FBXO42: variants seen among roughly 807,000 people sequenced by gnomAD.
FBXO42 encodes F-box protein 42.
In FBXO42, 12 loss-of-function variants were observed where a neutral mutation model predicts 71.7. That is an observed-to-expected ratio of 0.17 (90% CI 0.11 to 0.27). The LOEUF (loss-of-function observed/expected upper bound fraction) is 0.27, where lower values mean the gene tolerates loss of function less well. FBXO42 is among the 10% of genes least tolerant of loss of function. FBXO42 has a pLI of 1.00. For missense variants in FBXO42, 707 were observed against 911.9 expected, an observed-to-expected ratio of 0.78 and a Z score of 2.89; for synonymous variants, 325 against 327.5, an observed-to-expected ratio of 0.99 and a Z score of 0.08.
At chr1:16,284,684 T>C (rs1197352055) in intron 4 of FBXO42, among the ~76,000 whole-genome samples, 1 of 151,700 alleles carries the variant, frequency 6.6e-6, no homozygotes, top group African/African-American at 2.4e-5. Flanking sequence ...ACAAAAAAAT[T>C]AGGCCAGGCG....
chr1:16,309,536 A>C (rs1267610891), intron 2 of FBXO42, among the ~76,000 whole-genome samples: 1 of 152,238 alleles, frequency 6.6e-6, no homozygotes, highest in Non-Finnish European at 1.5e-5. Flanking sequence ...AGATAACAGG[A>C]GAAAATCTAG....
In FBXO42 at chr1:16,313,322, A is replaced by AGAG. The variant is rs1451446688; in HGVS notation, c.250+1846_250+1847insCTC. Among the ~76,000 whole-genome samples the AGAG allele has an allele frequency of 1.6e-3, 183 of 112,116 alleles. 1 individual carries two copies. Among genetic ancestry groups the AGAG allele is most frequent in the African/African-American group, 5.7e-3 (177 of 31,220 alleles). The allele number at this position is 112,116 out of a possible 152,430, so 73.6% of individuals were successfully genotyped here. On this transcript the variant is annotated intron_variant, in intron 2 of 9. Coordinates refer to ENST00000375592, the MANE Select transcript of FBXO42 (RefSeq NM_018994.3). Reference sequence around the variant, plus strand: ...AGAGAAAGAAAGAAAGAGAAAAGAAAACAAAGAAAGAAAGAAAGAAAGAAA... The same window carrying AGAG: ...AGAGAAAGAAAGAAAGAGAAAAGAAAGAGACAAAGAAAGAAAGAAAGAAAGAAA...
chr1:16,249,737 A>C lies in FBXO42; in HGVS notation c.*933T>G, dbSNP rs773590421. ...ATTTCTGTAGGCACCTGAGCTTTGT[A>C]AAAGAAACAGAAAGTCAGACAGGTT... On this transcript the variant is annotated 3_prime_UTR_variant, in exon 10 of 10. Transcript: ENST00000375592. The C allele has an allele frequency of 6.6e-6, 1 of 152,156 alleles. No individual in the cohort carries two copies. Among genetic ancestry groups the C allele is most frequent in the African/African-American group, 2.4e-5 (1 of 41,450 alleles). The allele number at this position is 152,156 out of a possible 1,614,324, so 9.4% of individuals were successfully genotyped here. A position where few individuals can be genotyped will look rare whatever the true frequency, so the allele number is the denominator to read the frequency against.
At chr1:16,338,354 CAAA>C (rs55865669) in intron 1 of FBXO42, among the ~76,000 whole-genome samples, 1 of 108,162 alleles carries the variant, frequency 9.2e-6, no homozygotes, top group Non-Finnish European at 1.8e-5. Context: ...GCCCTATCTC[CAAA>C]AAAAAAAAAA....
At chr1:16,258,368 T>A (rs969852359) in intron 4 of FBXO42, among the ~76,000 whole-genome samples, 1 of 152,072 alleles carries the variant, frequency 6.6e-6, no homozygotes, top group Non-Finnish European at 1.5e-5. Context: ...TCTTCCTTTT[T>A]TTTTTTTTGA....
At chr1:16,291,820 T>A (rs768173275) in intron 4 of FBXO42, among the ~76,000 whole-genome samples, 8 of 152,084 alleles carry the variant, frequency 5.3e-5, no homozygotes, top group Non-Finnish European at 7.4e-5. Flanking sequence ...TACAGGCACA[T>A]GCCATCATGC....
At chr1:16,299,773 T>C (rs890360259) in intron 3 of FBXO42, among the ~76,000 whole-genome samples, 1 of 151,964 alleles carries the variant, frequency 6.6e-6, no homozygotes, top group East Asian at 1.9e-4. Flanking sequence ...GCCTCCCGAG[T>C]AGTTTGGACC....
chr1:16,330,548 C>A (rs1463577171), intron 1 of FBXO42, among the ~76,000 whole-genome samples: 1 of 152,046 alleles, frequency 6.6e-6, no homozygotes, highest in Non-Finnish European at 1.5e-5. Flanking sequence ...GTGGTTCATA[C>A]CTGTAATCCC....
intron 3 of FBXO42, among the ~76,000 whole-genome samples, chr1:16,304,487 G>A (rs990448131): frequency 2.0e-5 from 3 of 151,964 alleles, no homozygotes; most frequent in Non-Finnish European, 4.4e-5. Flanking sequence ...TAAATTTTGT[G>A]TTTGCTGAAC....
chr1:16,275,781 G>A (rs2081893764), intron 4 of FBXO42, among the ~76,000 whole-genome samples: 1 of 152,122 alleles, frequency 6.6e-6, no homozygotes, highest in Admixed American at 6.6e-5. Flanking sequence ...CGCTGAGGTG[G>A]GTGAATCACC....
At chr1:16,267,843 T>C (rs1186106693) in intron 4 of FBXO42, among the ~76,000 whole-genome samples, 1 of 152,168 alleles carries the variant, frequency 6.6e-6, no homozygotes, top group Non-Finnish European at 1.5e-5. Flanking sequence ...ACAGGAACTT[T>C]TGTAATGGGC....
At chr1:16,264,236 T>C (rs2100456475) in intron 4 of FBXO42, among the ~76,000 whole-genome samples, 1 of 152,350 alleles carries the variant, frequency 6.6e-6, no homozygotes, top group East Asian at 1.9e-4. Flanking sequence ...GTTTAATACA[T>C]TTTTATTAAA....
rs187164755 is a variant in FBXO42 at position 16,281,526 on chromosome 1, G to A, written c.502+13257C>T. 7.3e-5 allele frequency among the ~76,000 whole-genome samples: 11 copies of A among 150,120 alleles called. No homozygotes were observed. In the East Asian group the frequency reaches 2.0e-3, roughly 27 times the overall value. On this transcript the variant is annotated intron_variant, in intron 4 of 9. Transcript: ENST00000375592. ...GCTCTGTCACCCAGGATGTAGTGCA[G>A]TGACAGAACATGGTTCACTGTGACC...
In FBXO42 at chr1:16,352,429, A is replaced by ACGCCGC; in HGVS notation, c.-198_-193dup. On this transcript the variant is annotated 5_prime_UTR_variant, in exon 1 of 10. Coordinates refer to ENST00000375592, the MANE Select transcript of FBXO42 (RefSeq NM_018994.3). ...GGAGCCGCCATCTTCCTCCACTCAA[A>ACGCCGC]CGCCGCCGCCGCCGCAGCTGCTGCT... The ACGCCGC allele has an allele frequency of 2.5e-6, 1 of 398,414 alleles. No homozygotes were observed. Among genetic ancestry groups the ACGCCGC allele is most frequent in the Non-Finnish European group, 4.4e-6 (1 of 226,338 alleles). 24.7% of individuals were successfully genotyped at this position (398,414 alleles called of 1,614,324 possible).
At chr1:16,253,336 A>C (rs1208708494) in intron 7 of FBXO42, 184 bp from the exon 8 acceptor site, 1 of 607,968 alleles carries the variant, frequency 1.6e-6, no homozygotes, top group Non-Finnish European at 2.9e-6. Flanking sequence ...CTGATAATTC[A>C]CCTGAAAGGA....
chr1:16,285,781 C>T (rs2082015713), intron 4 of FBXO42, among the ~76,000 whole-genome samples: 1 of 152,174 alleles, frequency 6.6e-6, no homozygotes, highest in African/African-American at 2.4e-5. Context: ...CCGATGTTCT[C>T]CTTCCTTACT....
chr1:16,342,968 C>A (rs766730059), intron 1 of FBXO42, among the ~76,000 whole-genome samples: 6 of 152,156 alleles, frequency 3.9e-5, no homozygotes, highest in Admixed American at 1.3e-4. Context: ...TGTGATACAG[C>A]TGGAAAGCCC....
At chr1:16,301,717 T>C (rs2082197570) in intron 3 of FBXO42, among the ~76,000 whole-genome samples, 1 of 150,652 alleles carries the variant, frequency 6.6e-6, no homozygotes, top group African/African-American at 2.4e-5. Context: ...CAAGAATGTC[T>C]AAGACATGGA....
At chr1:16,299,874 A>T (rs2082173466) in intron 3 of FBXO42, among the ~76,000 whole-genome samples, 1 of 151,970 alleles carries the variant, frequency 6.6e-6, no homozygotes, top group African/African-American at 2.4e-5. Context: ...CAATCTCTTG[A>T]TCTCGTGATT....
Sources: allele counts gnomAD v4.1 joint callset (sites outside exome capture counted in the v4.1 genomes callset), GRCh38; gene constraint gnomAD v4.1.1; transcripts MANE v1.5; gene names NCBI Gene and HGNC (gene_info 2026-07-23, HGNC 2026-07-21).